The following PDE10A variants were observed in gnomAD, a reference collection of about 807,000 sequenced individuals.
PDE10A encodes the protein cAMP and cAMP-inhibited cGMP 3',5'-cyclic phosphodiesterase 10A.
In PDE10A, 39 loss-of-function variants were observed where a neutral mutation model predicts 97.7. The observed-to-expected ratio is 0.40, with a 90% CI of 0.31 to 0.52. The LOEUF (loss-of-function observed/expected upper bound fraction) is 0.52, where lower values mean the gene tolerates loss of function less well. Ranked by LOEUF, PDE10A falls within the 20% of genes least tolerant of loss-of-function variation. The pLI, the probability that PDE10A is intolerant of heterozygous loss-of-function variation, is 0.56. For missense variants in PDE10A, 731 were observed against 1,047.8 expected (o/e 0.70, Z 4.17); for synonymous variants, 371 against 376.8 (o/e 0.98, Z 0.18).
intron 3 of PDE10A, among the ~76,000 whole-genome samples, chr6:165,464,189 C>A (rs912728650): frequency 6.6e-6 from 1 of 151,574 alleles, no homozygotes; most frequent in African/African-American, 2.4e-5. Flanking sequence ...TATACATACA[C>A]ACACATACAC....
chr6:165,696,585 A>C (rs766344708), intron 1 of PDE10A, among the ~76,000 whole-genome samples: 2 of 151,990 alleles, frequency 1.3e-5, no homozygotes, highest in Non-Finnish European at 2.9e-5. Context: ...ATGGGGGACT[A>C]CTCTATCTGA....
At chr6:165,971,257 G>T (rs1380154924) in intron 1 of PDE10A, among the ~76,000 whole-genome samples, 3 of 152,098 alleles carry the variant, frequency 2.0e-5, no homozygotes, top group Non-Finnish European at 4.4e-5. Flanking sequence ...TTAAATACAT[G>T]ATTGAACATG....
intron 3 of PDE10A, among the ~76,000 whole-genome samples, chr6:165,473,870 A>G (rs1779149901): frequency 6.6e-6 from 1 of 152,236 alleles, no homozygotes; most frequent in African/African-American, 2.4e-5. Flanking sequence ...CTTGTATAAT[A>G]ATTATCTGGT....
chr6:165,480,727 G>A (rs1477699936), intron 3 of PDE10A, among the ~76,000 whole-genome samples: 1 of 152,182 alleles, frequency 6.6e-6, no homozygotes, highest in Non-Finnish European at 1.5e-5. Flanking sequence ...TAGAGCAGAA[G>A]CCCTCTGGCC....
intron 5 of PDE10A, among the ~76,000 whole-genome samples, chr6:165,446,327 C>A (rs1386422763): frequency 6.6e-6 from 1 of 152,024 alleles, no homozygotes; most frequent in Non-Finnish European, 1.5e-5. Flanking sequence ...CCCAGATGGA[C>A]GACTTGAGAT....
At chr6:165,742,281 C>T (rs1030587012) in intron 1 of PDE10A, among the ~76,000 whole-genome samples, 4 of 152,184 alleles carry the variant, frequency 2.6e-5, no homozygotes, top group African/African-American at 9.7e-5. Flanking sequence ...CCTTGCAGCC[C>T]TAACGCAATA....
intron 1 of PDE10A, among the ~76,000 whole-genome samples, chr6:165,842,532 G>A (rs1165180969): frequency 6.6e-6 from 1 of 152,232 alleles, no homozygotes; most frequent in African/African-American, 2.4e-5. Flanking sequence ...GAGTAACAGA[G>A]AGCGAATGCA....
Position 165,543,587 on chromosome 6 carries a change from G to A in PDE10A, c.866-19C>T, listed in dbSNP as rs759766430. On this transcript the variant is annotated intron_variant, in intron 1 of 21. Transcript: ENST00000539869. ...GTCAAACCTGTAAAAGAATTGAAAA[G>A]AATAAAATTCACCTATACAACATCC... 6.3e-7 allele frequency: 1 copy of A among 1,593,048 alleles called. No homozygotes were observed. The highest frequency in any genetic ancestry group is 8.6e-7 in the Non-Finnish European group (1 of 1,166,994).
intron 2 of PDE10A, among the ~76,000 whole-genome samples, chr6:165,532,263 T>C (rs947007166): frequency 6.6e-5 from 10 of 151,682 alleles, no homozygotes; most frequent in Non-Finnish European, 1.2e-4. Context: ...ACCACATTTA[T>C]TCTCCCATGT....
At chr6:165,897,976 G>C (rs1021738289) in intron 1 of PDE10A, among the ~76,000 whole-genome samples, 2 of 151,886 alleles carry the variant, frequency 1.3e-5, no homozygotes, top group Non-Finnish European at 2.9e-5. Flanking sequence ...TGCCCCGTGC[G>C]GTCCTTTGCC....
At chr6:165,553,200 A>C (rs1784097567) in intron 1 of PDE10A, among the ~76,000 whole-genome samples, 1 of 152,186 alleles carries the variant, frequency 6.6e-6, no homozygotes, top group South Asian at 2.1e-4. Flanking sequence ...ATTAAGAGAT[A>C]GATAGGCTCT....
At chr6:165,462,642 C>T (rs145299852) in intron 3 of PDE10A, among the ~76,000 whole-genome samples, 133 of 152,202 alleles carry the variant, frequency 8.7e-4, no homozygotes, top group African/African-American at 3.1e-3. Flanking sequence ...CGAGCAACAC[C>T]CGTCAAACAC....
chr6:165,629,452 CTCTTT>C (rs1788529740), intron 1 of PDE10A, among the ~76,000 whole-genome samples: 1 of 151,188 alleles, frequency 6.6e-6, no homozygotes, highest in Non-Finnish European at 1.5e-5. Context: ...CAAATGTAAA[CTCTTT>C]TGTTTTGTTA....
intron 2 of PDE10A, among the ~76,000 whole-genome samples, chr6:165,533,261 G>A (rs374094492): frequency 4.3e-4 from 65 of 152,274 alleles, no homozygotes; most frequent in African/African-American, 1.4e-3. Flanking sequence ...TTAATGGTGA[G>A]ATACAGTCTG....
At position 165,445,903 on chromosome 6, in the gene PDE10A, A is replaced by C. The variant is rs1049352689; in HGVS notation, c.1194+3025T>G. 2.6e-5 allele frequency among the ~76,000 whole-genome samples: 4 copies of C among 152,112 alleles called. No individual in the cohort carries two copies. The East Asian group carries it at 7.7e-4, about 29-fold the overall frequency. On this transcript the variant is annotated intron_variant, in intron 5 of 21. Transcript: ENST00000539869. ...ATAGAATTCACAGTTAGAGAGAGAG[A>C]GAGAGAGAGAGAGAGAAAGGAAAAA...
At chr6:165,907,677 A>G (rs116233253) in intron 1 of PDE10A, among the ~76,000 whole-genome samples, 7,528 of 152,284 alleles carry the variant, frequency 0.049, 236 homozygotes, top group South Asian at 0.15. Flanking sequence ...AAGGAGGAAT[A>G]AAGCACCCTG....
At chr6:165,604,188 A>G (rs2128397138) in intron 1 of PDE10A, among the ~76,000 whole-genome samples, 1 of 152,250 alleles carries the variant, frequency 6.6e-6, no homozygotes, top group South Asian at 2.1e-4. Context: ...TTAACAGTAA[A>G]TTTGTTTATG....
At chr6:165,799,341 T>C (rs1487126156) in intron 1 of PDE10A, among the ~76,000 whole-genome samples, 5 of 152,246 alleles carry the variant, frequency 3.3e-5, no homozygotes, top group Non-Finnish European at 4.4e-5. Flanking sequence ...AGGTCATTTT[T>C]CTTTTTTACA....
chr6:165,847,514 C>A (rs1474421000), intron 1 of PDE10A, among the ~76,000 whole-genome samples: 2 of 152,270 alleles, frequency 1.3e-5, no homozygotes, highest in Non-Finnish European at 2.9e-5. Context: ...AACATGTTAG[C>A]ATAGAAGCAT....
Sources: gnomAD v4.1 joint callset for allele counts (sites outside exome capture counted in the v4.1 genomes callset) on GRCh38, gnomAD v4.1.1 for gene constraint, MANE v1.5 for transcripts, NCBI Gene and HGNC (gene_info 2026-07-23, HGNC 2026-07-21) for gene names.